The following FAN1 variants were observed in gnomAD, a reference collection of about 807,000 sequenced individuals.
The protein encoded by FAN1 is FANCD2 and FANCI associated nuclease 1.
FAN1 carries 91 observed loss-of-function variants against 104.9 expected under a neutral mutation model. The ratio of observed to expected loss-of-function variants is 0.87; its 90% CI spans 0.73 to 1.03. FAN1 has a LOEUF of 1.03. FAN1 is among the 50% of genes least tolerant of loss of function. FAN1 has a pLI of 0.00. For missense variants in FAN1, 1,263 were observed against 1,239.9 expected (o/e 1.02, Z -0.28); for synonymous variants, 478 against 457.6 (o/e 1.04, Z -0.57).
Position 30,941,940 on chromosome 15 carries a change from T to C in FAN1, c.*378T>C. 6.2e-7 allele frequency: 1 copy of C among 1,614,082 alleles called. No homozygotes were observed. Among genetic ancestry groups the C allele is most frequent in the South Asian group, 1.1e-5 (1 of 91,092 alleles). On this transcript the variant is annotated 3_prime_UTR_variant, in exon 15 of 15. Coordinates refer to ENST00000362065, the MANE Select transcript of FAN1 (RefSeq NM_014967.5). Reference sequence around the variant, plus strand: ...TACTGCTCCGTATCACTGTTCTGGCTGTCGGTTTGCTGAGCTGGATCTGGC... The same window carrying C: ...TACTGCTCCGTATCACTGTTCTGGCCGTCGGTTTGCTGAGCTGGATCTGGC...
intron 10 of FAN1, chr15:30,927,870 G>A: frequency 2.0e-6 from 2 of 985,686 alleles, no homozygotes; most frequent in Non-Finnish European, 2.4e-6. Flanking sequence ...CCCTGCCTCT[G>A]ACTCTGTGAC....
At chr15:30,920,750 T>TAA in intron 7 of FAN1, 97 bp downstream of exon 7, 1 of 711,646 alleles carries the variant, frequency 1.4e-6, no homozygotes, top group Admixed American at 2.6e-5. Flanking sequence ...CCTGCTTATT[T>TAA]GGTTAGCACA....
chr15:30,912,453 T>G (rs1312478373), intron 4 of FAN1, among the ~76,000 whole-genome samples: 1 of 152,254 alleles, frequency 6.6e-6, no homozygotes, highest in African/African-American at 2.4e-5. Flanking sequence ...GACTGGAGGC[T>G]GTGTCCACTG....
intron 14 of FAN1, chr15:30,939,564 C>A (rs1021497085): frequency 2.1e-6 from 2 of 960,672 alleles, no homozygotes; most frequent in African/African-American, 1.8e-5. Context: ...GATTATCATA[C>A]AAAAATATGC....
chr15:30,939,435 G>T, intron 14 of FAN1: 1 of 985,408 alleles, frequency 1.0e-6, no homozygotes, highest in Non-Finnish European at 1.2e-6. Context: ...GGTATAAGCA[G>T]CTTCACCCTG....
intron 10 of FAN1, chr15:30,927,320 C>T (rs1227930627): frequency 2.8e-5 from 28 of 985,422 alleles, no homozygotes; most frequent in East Asian, 1.1e-4. Context: ...CCTAGCTCCA[C>T]TCCTGGCTGG....
rs1443581109 is a variant in FAN1 at position 30,942,573 on chromosome 15, A to C, written c.*1011A>C. On this transcript the variant is annotated 3_prime_UTR_variant, in exon 15 of 15. Transcript: ENST00000362065. ...ATAGCAGTCAGGAGGCCATGACTACATCACAGCCAGGCGGCATTCCCTGCC... is the reference window on the plus strand; with the variant it reads ...ATAGCAGTCAGGAGGCCATGACTACCTCACAGCCAGGCGGCATTCCCTGCC... 8.0e-6 allele frequency: 3 copies of C among 373,370 alleles called. No homozygotes were observed. 23.1% of individuals were successfully genotyped at this position (373,370 alleles called of 1,614,324 possible). A position where few individuals can be genotyped will look rare whatever the true frequency, so the allele number is the denominator to read the frequency against.
chr15:30,915,836 T>TA (rs992191249), intron 5 of FAN1, among the ~76,000 whole-genome samples: 7 of 150,784 alleles, frequency 4.6e-5, no homozygotes, highest in Non-Finnish European at 7.4e-5. Flanking sequence ...TGGATTTCCT[T>TA]AAAAAAAACA....
At chr15:30,913,298 C>T (rs1595838902) in intron 4 of FAN1, among the ~76,000 whole-genome samples, 1 of 152,064 alleles carries the variant, frequency 6.6e-6, no homozygotes, top group Non-Finnish European at 1.5e-5. Context: ...AGTTTCATCC[C>T]GAAACACCTC....
At chr15:30,927,278 C>T in intron 10 of FAN1, 1 of 985,480 alleles carries the variant, frequency 1.0e-6, no homozygotes. Flanking sequence ...TCAGTGTATT[C>T]ACCAGGACGG....
Position 30,920,566 on chromosome 15 carries a change from C to G in FAN1, c.1965C>G (p.Leu655=). Residue 655 remains leucine (L), a synonymous_variant, in exon 7 of 15, where the codon CTC becomes CTG. Transcript: ENST00000362065. ...PSLRCHEDLP[L]FLRCFTVGWI... Reference sequence around the variant, plus strand: ...TTAGATGCCACGAAGATTTACCACTCTTCCTGCGGTGTTTCACTGTTGGGT... The same window carrying G: ...TTAGATGCCACGAAGATTTACCACTGTTCCTGCGGTGTTTCACTGTTGGGT... The G allele has an allele frequency of 1.2e-6, 2 of 1,611,774 alleles. No homozygotes were observed. The highest frequency in any genetic ancestry group is 1.7e-6 in the Non-Finnish European group (2 of 1,178,840).
In FAN1 at chr15:30,941,864, G is replaced by A. The variant is rs748740793; in HGVS notation, c.*302G>A. On this transcript the variant is annotated 3_prime_UTR_variant, in exon 15 of 15. Transcript: ENST00000362065. ...TTTTATGTGTGTTCCAGAGACACGT[G>A]GCAGAATAACACCGTGCAGGTTGGC... 6.2e-7 allele frequency: 1 copy of A among 1,614,052 alleles called. No individual in the cohort carries two copies. The highest frequency in any genetic ancestry group is 1.7e-5 in the Admixed American group (1 of 60,028).
At position 30,908,187 on chromosome 15, in the gene FAN1, A is replaced by C; in HGVS notation, c.1304A>C (p.Glu435Ala). The C allele has an allele frequency of 6.2e-7, 1 of 1,611,638 alleles. No individual in the cohort carries two copies. ...KLSWIKMTKL[E>A]YEEIALDLTP... The stretch of plus-strand genomic sequence containing the variant: ...AGCTGGATTAAGATGACCAAATTAG[A>C]GTATGAAGAGATTGCCTTAGACTTA... Residue 435 changes from glutamate (E) to alanine (A), a missense_variant, in exon 3 of 15, where the codon GAG (glutamate) becomes GCG (alanine). Transcript: ENST00000362065.
intron 14 of FAN1, 138 bp from the exon 15 acceptor site, chr15:30,941,428 A>G (rs1466612537): frequency 1.3e-6 from 2 of 1,568,854 alleles, no homozygotes; most frequent in Non-Finnish European, 1.7e-6. Flanking sequence ...CAGAGGAAAA[A>G]AGTTGACAGC....
chr15:30,909,020 C>T (rs776947579), intron 3 of FAN1, among the ~76,000 whole-genome samples: 1 of 152,178 alleles, frequency 6.6e-6, no homozygotes, highest in Non-Finnish European at 1.5e-5. Flanking sequence ...TGTTGATTGC[C>T]TTAAGCATTG....
Position 30,908,199 on chromosome 15 carries a change from T to A in FAN1, c.1316T>A (p.Ile439Asn). The change falls in exon 3 of 15, where the codon ATT (isoleucine) becomes AAT (asparagine). Residue 439 changes from isoleucine (I) to asparagine (N), a missense_variant. By Grantham distance (149) the Ile-to-Asn change is moderately radical. This residue lies in a region of FAN1 where 682 missense variants were observed against 571.1 expected (regional missense o/e 1.19). Transcript: ENST00000362065. Reference sequence around the variant, plus strand: ...ATGACCAAATTAGAGTATGAAGAGATTGCCTTAGACTTAACACCTGTGATT... The same window carrying A: ...ATGACCAAATTAGAGTATGAAGAGAATGCCTTAGACTTAACACCTGTGATT... ...IKMTKLEYEE[I>N]ALDLTPVIEE... 1.9e-6 allele frequency: 3 copies of A among 1,611,984 alleles called. No individual in the cohort carries two copies. The highest frequency in any genetic ancestry group is 2.5e-6 in the Non-Finnish European group (3 of 1,179,080).
Position 30,930,823 on chromosome 15 carries a change from C to G in FAN1, c.2916+152C>G, listed in dbSNP as rs3794596. 0.18 allele frequency: 160,765 copies of G among 880,580 alleles called. 17,388 individuals are homozygous for G. Among genetic ancestry groups the G allele is most frequent in the African/African-American group, 0.41 (24,219 of 58,882 alleles). The allele number at this position is 880,580 out of a possible 1,614,324, so 54.5% of individuals were successfully genotyped here. A position where few individuals can be genotyped will look rare whatever the true frequency, so the allele number is the denominator to read the frequency against. On this transcript the variant is annotated intron_variant, in intron 13 of 14. Coordinates refer to ENST00000362065, the MANE Select transcript of FAN1 (RefSeq NM_014967.5). ...GCCTGGGTTCCTGTGGGCCTGTCCC[C>G]TGCGACTGGCTTCATCAGAGCAGGC...
At position 30,925,245 on chromosome 15, in the gene FAN1, A is replaced by T; in HGVS notation, c.2291A>T (p.His764Leu). The T allele has an allele frequency of 6.2e-7, 1 of 1,613,992 alleles. No individual in the cohort carries two copies. Among genetic ancestry groups the T allele is most frequent in the South Asian group, 1.1e-5 (1 of 91,062 alleles). ...RESPSCKKFK[H>L]LFQQLPEMAV... The stretch of plus-strand genomic sequence containing the variant: ...TCTCCGAGCTGTAAAAAGTTCAAGC[A>T]CCTCTTCCAGCAGCTCCCAGAAATG... Residue 764 changes from histidine (H) to leucine (L), a missense_variant, in exon 9 of 15, where the codon CAC becomes CTC. By Grantham distance (99) the His-to-Leu change is moderately conservative (BLOSUM62 -3). This residue lies in a region of FAN1 where 581 missense variants were observed against 668.8 expected (regional missense o/e 0.87). Transcript: ENST00000362065.
chr15:30,925,313 G>C (rs749858778), intron 9 of FAN1, 22 bp downstream of exon 9: 48 of 1,607,284 alleles, frequency 3.0e-5, no homozygotes, highest in Non-Finnish European at 4.0e-5. Context: ...GCCTGTGGGT[G>C]CTTTGGACTT....
Sources: allele counts gnomAD v4.1 joint callset (sites outside exome capture counted in the v4.1 genomes callset), GRCh38; gene constraint gnomAD v4.1.1; regional missense constraint gnomAD v4.1.1; transcripts MANE v1.5; gene names NCBI Gene and HGNC (gene_info 2026-07-23, HGNC 2026-07-21).